IMMP2L: variants seen among roughly 807,000 people sequenced by gnomAD.
IMMP2L encodes the protein inner mitochondrial membrane peptidase subunit 2, also known as mitochondrial inner membrane protease subunit 2.
IMMP2L carries 18 observed loss-of-function variants against 19.3 expected under a neutral mutation model. The observed-to-expected ratio is 0.93, with a 90% CI of 0.64 to 1.38. The LOEUF is 1.38. IMMP2L is among the 40% of genes most tolerant of loss of function. The pLI, the probability that IMMP2L is intolerant of heterozygous loss-of-function variation, is 0.00. For synonymous variants in IMMP2L, 76 were observed against 73.0 expected (o/e 1.04, Z -0.21); for missense variants, 233 against 218.2 (o/e 1.07, Z -0.43).
At chr7:111,190,116 T>C (rs1180771798) in intron 3 of IMMP2L, among the ~76,000 whole-genome samples, 2 of 152,252 alleles carry the variant, frequency 1.3e-5, no homozygotes, top group East Asian at 3.9e-4. Context: ...ATACCATTTT[T>C]TACACTAAAT....
chr7:111,367,782 A>G (rs569361207), intron 3 of IMMP2L, among the ~76,000 whole-genome samples: 1 of 152,050 alleles, frequency 6.6e-6, no homozygotes, highest in African/African-American at 2.4e-5. Flanking sequence ...AACATGCTCC[A>G]CTGCACTTGA....
At chr7:111,029,465 G>A (rs1827181127) in intron 3 of IMMP2L, among the ~76,000 whole-genome samples, 1 of 152,180 alleles carries the variant, frequency 6.6e-6, no homozygotes, top group Non-Finnish European at 1.5e-5. Context: ...AGCCACTGAA[G>A]AGATACAGGT....
chr7:111,447,820 G>A (rs1264296361), intron 3 of IMMP2L, among the ~76,000 whole-genome samples: 11 of 151,652 alleles, frequency 7.3e-5, no homozygotes, highest in South Asian at 2.1e-4. Context: ...CCCATCTCAC[G>A]TGCAGAGACA....
At chr7:110,929,501 C>T (rs1329602486) in intron 4 of IMMP2L, among the ~76,000 whole-genome samples, 1 of 152,138 alleles carries the variant, frequency 6.6e-6, no homozygotes, top group Non-Finnish European at 1.5e-5. Flanking sequence ...TCATAAAGCA[C>T]TTGTGCATTA....
At chr7:110,716,927 A>G (rs527996453) in intron 5 of IMMP2L, among the ~76,000 whole-genome samples, 2 of 152,382 alleles carry the variant, frequency 1.3e-5, no homozygotes, top group East Asian at 1.9e-4. Context: ...TTAGTCACTG[A>G]AACTGGAAAC....
chr7:111,031,568 C>T (rs1383260677), intron 3 of IMMP2L, among the ~76,000 whole-genome samples: 1 of 151,990 alleles, frequency 6.6e-6, no homozygotes, highest in Non-Finnish European at 1.5e-5. Flanking sequence ...CACAAGCCTA[C>T]ACAGATATAA....
intron 3 of IMMP2L, among the ~76,000 whole-genome samples, chr7:111,380,365 G>A (rs1185927987): frequency 6.6e-6 from 1 of 151,890 alleles, no homozygotes; most frequent in East Asian, 1.9e-4. Flanking sequence ...CAAAATATGA[G>A]CAAGCTAATC....
At chr7:110,893,118 A>C (rs1056549626) in intron 4 of IMMP2L, among the ~76,000 whole-genome samples, 3 of 152,184 alleles carry the variant, frequency 2.0e-5, no homozygotes, top group Non-Finnish European at 2.9e-5. Context: ...TAGTGCTTAC[A>C]AAAATTATGT....
At chr7:110,964,126 G>A (rs578167414) in intron 3 of IMMP2L, among the ~76,000 whole-genome samples, 16 of 151,994 alleles carry the variant, frequency 1.1e-4, no homozygotes, top group Non-Finnish European at 2.1e-4. Flanking sequence ...CTTCTGCTAC[G>A]ATTGCAAGTT....
chr7:110,724,963 C>T (rs560434691), intron 5 of IMMP2L, among the ~76,000 whole-genome samples: 9 of 152,238 alleles, frequency 5.9e-5, no homozygotes, highest in African/African-American at 9.6e-5. Flanking sequence ...CATTTAACTA[C>T]GCCATTATAC....
At chr7:110,964,434 A>T (rs1220240311) in intron 3 of IMMP2L, among the ~76,000 whole-genome samples, 1 of 152,046 alleles carries the variant, frequency 6.6e-6, no homozygotes, top group Non-Finnish European at 1.5e-5. Flanking sequence ...TTGAAACTAC[A>T]TTTGGGTTTA....
At chr7:110,826,596 C>T (rs961902514) in intron 5 of IMMP2L, among the ~76,000 whole-genome samples, 3 of 151,936 alleles carry the variant, frequency 2.0e-5, no homozygotes, top group Non-Finnish European at 4.4e-5. Flanking sequence ...GACAGAAAAC[C>T]AAACACCGCA....
At chr7:111,108,019 T>C (rs754006210) in intron 3 of IMMP2L, among the ~76,000 whole-genome samples, 39 of 152,188 alleles carry the variant, frequency 2.6e-4, no homozygotes, top group Admixed American at 9.2e-4. Flanking sequence ...CGAGTATATA[T>C]GGCTTTCTTT....
intron 4 of IMMP2L, among the ~76,000 whole-genome samples, chr7:110,927,517 A>AGT (rs1814986073): frequency 6.6e-5 from 10 of 152,110 alleles, no homozygotes; most frequent in Admixed American, 6.6e-4. Flanking sequence ...AGGGAGGAAA[A>AGT]AGAGAGCAGT....
intron 3 of IMMP2L, among the ~76,000 whole-genome samples, chr7:111,199,404 C>T (rs193002678): frequency 1.2e-3 from 178 of 152,066 alleles, no homozygotes; most frequent in Non-Finnish European, 4.6e-4. Flanking sequence ...GTACGTGGAA[C>T]ATGTAAAATA....
At chr7:111,422,360 G>A (rs1010286442) in intron 3 of IMMP2L, among the ~76,000 whole-genome samples, 1 of 151,774 alleles carries the variant, frequency 6.6e-6, no homozygotes, top group Non-Finnish European at 1.5e-5. Flanking sequence ...ATGAGCAAGG[G>A]ATATTCTTCC....
At chr7:110,950,866 A>ATG (rs1817752104) in intron 4 of IMMP2L, among the ~76,000 whole-genome samples, 1 of 134,804 alleles carries the variant, frequency 7.4e-6, no homozygotes, top group African/African-American at 2.9e-5. Context: ...ATATATATAT[A>ATG]TATATGTATA....
intron 1 of IMMP2L, among the ~76,000 whole-genome samples, chr7:111,557,983 T>C (rs897028313): frequency 6.6e-6 from 1 of 151,996 alleles, no homozygotes; most frequent in Non-Finnish European, 1.5e-5. Flanking sequence ...AGTACAGATA[T>C]CCATTACTAA....
At chr7:111,493,476 G>A (rs960143831) in intron 2 of IMMP2L, among the ~76,000 whole-genome samples, 1 of 152,056 alleles carries the variant, frequency 6.6e-6, no homozygotes, top group Non-Finnish European at 1.5e-5. Flanking sequence ...GCCAAGGTGG[G>A]TGGATCACGA....
Sources: gnomAD v4.1 joint callset for allele counts (sites outside exome capture counted in the v4.1 genomes callset) on GRCh38, gnomAD v4.1.1 for gene constraint, MANE v1.5 for transcripts, NCBI Gene and HGNC (gene_info 2026-07-23, HGNC 2026-07-21) for gene names.